The following SFRP1 variants were observed in gnomAD, a reference collection of about 807,000 sequenced individuals.
SFRP1 encodes the protein secreted frizzled-related protein 1.
SFRP1 carries 9 observed loss-of-function variants against 25.9 expected under a neutral mutation model. The ratio of observed to expected loss-of-function variants is 0.35; its 90% CI spans 0.21 to 0.61. SFRP1 has a LOEUF of 0.61. SFRP1 is among the 20% of genes least tolerant of loss of function. The probability of loss-of-function intolerance (pLI) is 0.78; values close to 1 mark genes in which losing one functional copy is unlikely to be tolerated. For missense variants in SFRP1, 346 were observed against 418.2 expected (o/e 0.83, Z 1.51); for synonymous variants, 178 against 174.0 (o/e 1.02, Z -0.18).
intron 2 of SFRP1, among the ~76,000 whole-genome samples, chr8:41,293,865 C>T (rs1201498395): frequency 2.0e-5 from 3 of 152,014 alleles, no homozygotes; most frequent in East Asian, 3.9e-4. Context: ...CTCGACCTCG[C>T]GGGCTCAGAC....
Position 41,263,410 on chromosome 8 carries a change from G to A in SFRP1, c.*1757C>T, listed in dbSNP as rs1803397131. The A allele has an allele frequency of 6.6e-6, 1 of 152,208 alleles. No homozygotes were observed. The allele number at this position is 152,208 out of a possible 1,614,324, so 9.4% of individuals were successfully genotyped here. A position where few individuals can be genotyped will look rare whatever the true frequency, so the allele number is the denominator to read the frequency against. Reference sequence around the variant, plus strand: ...TAACTGTGAGAGGTTAATTTATCAGGATAACTCTCCGGTAGGTAACTAGGC... The same window carrying A: ...TAACTGTGAGAGGTTAATTTATCAGAATAACTCTCCGGTAGGTAACTAGGC... On this transcript the variant is annotated 3_prime_UTR_variant, in exon 3 of 3. Coordinates refer to ENST00000220772, the MANE Select transcript of SFRP1 (RefSeq NM_003012.5).
At chr8:41,273,400 G>A (rs71521506) in intron 2 of SFRP1, among the ~76,000 whole-genome samples, 4 of 152,094 alleles carry the variant, frequency 2.6e-5, no homozygotes, top group South Asian at 4.2e-4. Context: ...GCTGAGGCAG[G>A]AGAATTGCTT....
intron 2 of SFRP1, among the ~76,000 whole-genome samples, chr8:41,294,446 G>A (rs1234385406): frequency 6.6e-6 from 1 of 152,150 alleles, no homozygotes; most frequent in African/African-American, 2.4e-5. Context: ...GAGAAAACAA[G>A]AGAGAGAAAA....
chr8:41,292,555 A>G (rs927132461), intron 2 of SFRP1, among the ~76,000 whole-genome samples: 4 of 152,172 alleles, frequency 2.6e-5, no homozygotes, highest in Non-Finnish European at 5.9e-5. Flanking sequence ...TCTTTTCTTT[A>G]TAAAGTATTC....
chr8:41,279,120 G>A (rs149523064), intron 2 of SFRP1, among the ~76,000 whole-genome samples: 40 of 152,208 alleles, frequency 2.6e-4, no homozygotes, highest in Non-Finnish European at 5.4e-4. Flanking sequence ...GTGAGCTCAT[G>A]TAGGACATGG....
intron 2 of SFRP1, among the ~76,000 whole-genome samples, chr8:41,279,186 G>A (rs916185858): frequency 1.2e-4 from 19 of 152,072 alleles, no homozygotes; most frequent in Admixed American, 7.9e-4. Flanking sequence ...ACATCAGGGG[G>A]CTCAGCTAAA....
rs1317256423 is a variant in SFRP1 at position 41,295,367 on chromosome 8, A to C, written c.622+8094T>G. Among the ~76,000 whole-genome samples the C allele has an allele frequency of 2.6e-5, 4 of 152,050 alleles. No individual in the cohort carries two copies. The East Asian group carries it at 5.8e-4, about 22-fold the overall frequency. On this transcript the variant is annotated intron_variant, in intron 2 of 2. Transcript: ENST00000220772. ...CAGAGGGAGACTCCGTCTCAAAAAA[A>C]AAGAAAAAAAAATTAGCCGAGCATG...
At chr8:41,296,692 T>C (rs1311369051) in intron 2 of SFRP1, among the ~76,000 whole-genome samples, 2 of 152,086 alleles carry the variant, frequency 1.3e-5, no homozygotes, top group African/African-American at 4.8e-5. Flanking sequence ...GAGATATCGC[T>C]GGAGAAAAAT....
rs1803419649 is a variant in SFRP1 at position 41,265,162 on chromosome 8, G to A, written c.*5C>T. On this transcript the variant is annotated 3_prime_UTR_variant, in exon 3 of 3. Coordinates refer to ENST00000220772, the MANE Select transcript of SFRP1 (RefSeq NM_003012.5). Reference sequence around the variant, plus strand: ...GGCTCCCTCCCCACCCTGCCCCCGGGAGAATCACTTAAACACGGACTGAAA... The same window carrying A: ...GGCTCCCTCCCCACCCTGCCCCCGGAAGAATCACTTAAACACGGACTGAAA... 3.5e-6 allele frequency: 4 copies of A among 1,127,474 alleles called. No individual in the cohort carries two copies. Among genetic ancestry groups the A allele is most frequent in the Admixed American group, 2.2e-5 (1 of 46,216 alleles). 69.8% of individuals were successfully genotyped at this position (1,127,474 alleles called of 1,614,324 possible). A position where few individuals can be genotyped will look rare whatever the true frequency, so the allele number is the denominator to read the frequency against.
rs551738390 is a variant in SFRP1, at chr8:41,300,817, C to T, written c.622+2644G>A. On this transcript the variant is annotated intron_variant, in intron 2 of 2. Transcript: ENST00000220772. ...GATGGAAGCCAGCAGGCAGGCTGGTCGCCATGTTCGATGCGGTGACTTTGC... is the reference window on the plus strand; with the variant it reads ...GATGGAAGCCAGCAGGCAGGCTGGTTGCCATGTTCGATGCGGTGACTTTGC... Among the ~76,000 whole-genome samples the T allele has an allele frequency of 1.1e-4, 16 of 152,308 alleles. No homozygotes were observed. In the South Asian group the frequency reaches 2.5e-3, roughly 24 times the overall value.
intron 2 of SFRP1, among the ~76,000 whole-genome samples, chr8:41,276,301 A>G (rs897783810): frequency 6.6e-5 from 10 of 152,220 alleles, no homozygotes; most frequent in African/African-American, 1.9e-4. Flanking sequence ...CCCAAGTCCA[A>G]TTGTGCAAAT....
rs1803951956 is a variant in SFRP1, at chr8:41,303,327, G to A, written c.622+134C>T. The A allele has an allele frequency of 7.2e-6, 5 of 694,476 alleles. No homozygotes were observed. The Admixed American group carries it at 1.1e-4, about 16-fold the overall frequency. The allele number at this position is 694,476 out of a possible 1,614,324, so 43.0% of individuals were successfully genotyped here. ...CTAGTCTCCCATCTGCCTGAGAAAA[G>A]CAGCCATTTGGAGAGGAATGAGGTA... On this transcript the variant is annotated intron_variant, in intron 2 of 2. Transcript: ENST00000220772.
chr8:41,295,645 C>T (rs1004322652), intron 2 of SFRP1, among the ~76,000 whole-genome samples: 2 of 152,098 alleles, frequency 1.3e-5, no homozygotes, highest in African/African-American at 2.4e-5. Context: ...CTTAAATATG[C>T]GCTGCAGCAC....
At position 41,265,335 on chromosome 8, in the gene SFRP1, G is replaced by A; in HGVS notation, c.777C>T (p.His259=). ...YLKNGADCPC[H]QLDNLSHHFL... is the part of the protein sequence containing the mutation. The stretch of plus-strand genomic sequence containing the variant: ...AGTGGTGGCTGAGGTTGTCCAGCTG[G>A]TGGCAGGGACAGTCAGCCCCATTCT... Residue 259 remains histidine, a synonymous_variant, in exon 3 of 3, where the codon CAC becomes CAT. Coordinates refer to ENST00000220772, the MANE Select transcript of SFRP1 (RefSeq NM_003012.5). 2 of 1,614,122 alleles carry A rather than the reference G, an allele frequency of 1.2e-6. No homozygotes were observed. The highest frequency in any genetic ancestry group is 1.7e-6 in the Non-Finnish European group (2 of 1,180,044).
rs1803952614 is a variant in SFRP1, at chr8:41,303,380, C to T, written c.622+81G>A. ...GAATATGGAAAGCTGCAACGAGATA[C>T]ATCAGCAGGGCCTCCGTCTGGCAGA... is the stretch of plus-strand genomic sequence containing the variant. On this transcript the variant is annotated intron_variant, in intron 2 of 2. Transcript: ENST00000220772. 16 of 1,000,776 alleles carry T rather than the reference C, an allele frequency of 1.6e-5. No individual in the cohort carries two copies. The South Asian group carries it at 1.7e-4, about 11-fold the overall frequency. 62.0% of individuals were successfully genotyped at this position (1,000,776 alleles called of 1,614,324 possible).
rs62636770 is a variant in SFRP1, at chr8:41,309,155, C to A, written c.5G>T (p.Gly2Val). The change falls in exon 1 of 3, where the codon GGC becomes GTC. Residue 2 changes from glycine to valine, a missense_variant. Gly to Val is a moderately radical substitution (Grantham distance 109). Transcript: ENST00000220772. M[G>V]IGRSEGGRRG... ...GCGGCCCCCCTCGCTGCGCCCGATGCCCATGCCGGCTCTGCGCCCTGTTCT... is the reference window on the plus strand; with the variant it reads ...GCGGCCCCCCTCGCTGCGCCCGATGACCATGCCGGCTCTGCGCCCTGTTCT... The A allele has an allele frequency of 9.5e-5, 133 of 1,397,404 alleles. 1 individual carries two copies. The highest frequency in any genetic ancestry group is 5.0e-4 in the Middle Eastern group (2 of 4,036). 86.6% of individuals were successfully genotyped at this position (1,397,404 alleles called of 1,614,324 possible).
chr8:41,304,363 A>G (rs1213864133), intron 1 of SFRP1, among the ~76,000 whole-genome samples: 1 of 152,222 alleles, frequency 6.6e-6, no homozygotes, highest in Non-Finnish European at 1.5e-5. Context: ...TTCCCAGGAC[A>G]GAGGGAGAGC....
At chr8:41,306,807 A>G in intron 1 of SFRP1, 1 of 1,598,160 alleles carries the variant, frequency 6.3e-7, no homozygotes, top group Non-Finnish European at 8.5e-7. Flanking sequence ...ACTGCAGCCA[A>G]GGGGCAAAAG....
chr8:41,289,478 C>T (rs1803749714), intron 2 of SFRP1, among the ~76,000 whole-genome samples: 1 of 152,234 alleles, frequency 6.6e-6, no homozygotes, highest in East Asian at 1.9e-4. Flanking sequence ...AACTGAGCCA[C>T]CGAGTGCTTC....
Sources: gnomAD v4.1 joint callset for allele counts (sites outside exome capture counted in the v4.1 genomes callset) on GRCh38, gnomAD v4.1.1 for gene constraint, MANE v1.5 for transcripts, NCBI Gene and HGNC (gene_info 2026-07-23, HGNC 2026-07-21) for gene names.